The following RBFOX1 variants were observed in gnomAD, a reference collection of about 807,000 sequenced individuals.
RBFOX1 encodes the protein RNA binding protein fox-1 homolog 1.
Under a neutral mutation model 57.7 loss-of-function variants are expected in RBFOX1, and 8 were observed. That is an observed-to-expected ratio of 0.14 (90% confidence interval 0.08 to 0.25). The LOEUF is 0.25. RBFOX1 is among the 10% of genes least tolerant of loss of function. The probability of loss-of-function intolerance (pLI) is 1.00; values close to 1 mark genes in which losing one functional copy is unlikely to be tolerated. For synonymous variants in RBFOX1, 326 were observed against 222.4 expected (o/e 1.47, Z -4.15); for missense variants, 611 against 548.5 (o/e 1.11, Z -1.14).
chr16:7,438,301 A>G (rs963811070), intron 4 of RBFOX1, among the ~76,000 whole-genome samples: 1 of 152,082 alleles, frequency 6.6e-6, no homozygotes. Context: ...GGAGATTGTA[A>G]AGTGGATGTG....
At chr16:5,322,879 G>A (rs2064452080) in intron 1 of RBFOX1, among the ~76,000 whole-genome samples, 1 of 152,210 alleles carries the variant, frequency 6.6e-6, no homozygotes, top group Non-Finnish European at 1.5e-5. Context: ...CATACTGATT[G>A]TTTTCAGTGG....
chr16:7,156,916 C>G (rs546219918), intron 4 of RBFOX1, among the ~76,000 whole-genome samples: 124 of 152,202 alleles, frequency 8.1e-4, no homozygotes, highest in Middle Eastern at 3.4e-3. Flanking sequence ...CGTTTACATT[C>G]CTATAATATA....
At chr16:6,528,994 A>G (rs1374324316) in intron 2 of RBFOX1, among the ~76,000 whole-genome samples, 1 of 152,178 alleles carries the variant, frequency 6.6e-6, no homozygotes, top group Non-Finnish European at 1.5e-5. Context: ...AGAACAATTA[A>G]TCCTCCTTGG....
At chr16:6,228,969 A>C (rs1243039610) in intron 1 of RBFOX1, among the ~76,000 whole-genome samples, 5 of 152,156 alleles carry the variant, frequency 3.3e-5, no homozygotes, top group African/African-American at 9.7e-5. Context: ...GGTGAAGGAA[A>C]AAAGTTCTTG....
At chr16:5,563,493 C>A (rs753051465) in intron 2 of RBFOX1, among the ~76,000 whole-genome samples, 1 of 151,982 alleles carries the variant, frequency 6.6e-6, no homozygotes, top group African/African-American at 2.4e-5. Flanking sequence ...TAAAGTACAC[C>A]AAAACTAAAT....
chr16:5,776,384 T>G (rs2054149252), intron 3 of RBFOX1, among the ~76,000 whole-genome samples: 1 of 152,202 alleles, frequency 6.6e-6, no homozygotes, highest in African/African-American at 2.4e-5. Context: ...TTCAGCAGCA[T>G]GAGACCACGG....
At chr16:5,948,685 G>A (rs951430065) in intron 4 of RBFOX1, among the ~76,000 whole-genome samples, 1 of 152,088 alleles carries the variant, frequency 6.6e-6, no homozygotes, top group African/African-American at 2.4e-5. Context: ...AAACCGGGAG[G>A]GACGCCTGAT....
chr16:5,523,178 C>T (rs140092034), intron 2 of RBFOX1, among the ~76,000 whole-genome samples: 2,383 of 151,992 alleles, frequency 0.016, 64 homozygotes, highest in African/African-American at 0.055. Flanking sequence ...TCCAGCTACT[C>T]GGGAGGCTGA....
At chr16:6,877,181 C>T (rs1413848060) in intron 3 of RBFOX1, among the ~76,000 whole-genome samples, 1 of 152,152 alleles carries the variant, frequency 6.6e-6, no homozygotes, top group African/African-American at 2.4e-5. Flanking sequence ...CTTATTTCTG[C>T]AGCCGTTACA....
At chr16:5,884,999 C>G (rs543486614) in intron 4 of RBFOX1, among the ~76,000 whole-genome samples, 11 of 152,152 alleles carry the variant, frequency 7.2e-5, no homozygotes, top group Non-Finnish European at 1.3e-4. Flanking sequence ...AGAACCAATG[C>G]TTTTGGAGCC....
chr16:6,916,705 T>C (rs746529636), intron 3 of RBFOX1, among the ~76,000 whole-genome samples: 9 of 152,158 alleles, frequency 5.9e-5, no homozygotes, highest in Non-Finnish European at 1.0e-4. Context: ...GTTATGCCCA[T>C]TCCTACTTAA....
intron 1 of RBFOX1, among the ~76,000 whole-genome samples, chr16:5,248,910 C>A (rs368882216): frequency 1.4e-5 from 2 of 146,350 alleles, no homozygotes; most frequent in South Asian, 4.5e-4. Context: ...ATTGCTTGAA[C>A]CCGGGAGGTG....
At chr16:5,320,147 T>C (rs1788372777) in intron 1 of RBFOX1, among the ~76,000 whole-genome samples, 1 of 152,196 alleles carries the variant, frequency 6.6e-6, no homozygotes, top group Admixed American at 6.5e-5. Context: ...TGAACATGTG[T>C]TTATGTGCAT....
Position 6,180,467 on chromosome 16 carries a change from A to G in RBFOX1, c.-126-136528A>G, listed in dbSNP as rs762476073. Among the ~76,000 whole-genome samples, 29 of 149,188 alleles carry G rather than the reference A, an allele frequency of 1.9e-4. 1 individual carries two copies. The highest frequency in any genetic ancestry group is 3.9e-4 in the Non-Finnish European group (26 of 67,522). ...TTTCTATTCTATAAAATTGGTAGTA[A>G]TGTCCCCTCTTTAATTTCTGATTTT... On this transcript the variant is annotated intron_variant, in intron 1 of 15. Transcript: ENST00000550418.
chr16:6,976,737 T>C (rs1201685795), intron 3 of RBFOX1, among the ~76,000 whole-genome samples: 1 of 146,310 alleles, frequency 6.8e-6, no homozygotes, highest in Non-Finnish European at 1.5e-5. Context: ...TCATGTATCA[T>C]ACATATATAT....
At chr16:6,644,474 C>T (rs1033752868) in intron 2 of RBFOX1, among the ~76,000 whole-genome samples, 2 of 152,158 alleles carry the variant, frequency 1.3e-5, no homozygotes, top group African/African-American at 4.8e-5. Context: ...GATCATAAGC[C>T]GATTTGGGCT....
chr16:5,724,701 A>C (rs941704324), intron 3 of RBFOX1, among the ~76,000 whole-genome samples: 4 of 152,198 alleles, frequency 2.6e-5, no homozygotes, highest in Non-Finnish European at 4.4e-5. Flanking sequence ...CAGAGAGCCC[A>C]GATGGGAAGT....
At chr16:7,273,769 C>T (rs1276475326) in intron 4 of RBFOX1, among the ~76,000 whole-genome samples, 5 of 152,150 alleles carry the variant, frequency 3.3e-5, no homozygotes, top group African/African-American at 9.7e-5. Context: ...AGATATTTGC[C>T]ATACCCATTT....
chr16:7,339,313 G>C lies in RBFOX1; in HGVS notation c.28-178834G>C, dbSNP rs141397908. Among the ~76,000 whole-genome samples, 657 of 152,278 alleles carry C rather than the reference G, an allele frequency of 4.3e-3. 7 individuals carry two copies. Among genetic ancestry groups the C allele is most frequent in the African/African-American group, 0.015 (628 of 41,556 alleles). On this transcript the variant is annotated intron_variant, in intron 4 of 15. Coordinates refer to ENST00000550418, the MANE Select transcript of RBFOX1 (RefSeq NM_018723.4). ...CTGTGAACTAGGACTAGGTGATGTG[G>C]TAGAATAGAACACACTCTAGATCTC...
Sources: allele counts gnomAD v4.1 joint callset (sites outside exome capture counted in the v4.1 genomes callset), GRCh38; gene constraint gnomAD v4.1.1; transcripts MANE v1.5; gene names NCBI Gene and HGNC (gene_info 2026-07-23, HGNC 2026-07-21).